Variants in TUBGCP3 observed in about 807,000 individuals in gnomAD.
The protein encoded by TUBGCP3 is tubulin gamma complex component 3, also known as gamma-tubulin complex component 3.
In TUBGCP3, 50 loss-of-function variants were observed where a neutral mutation model predicts 123.1. The ratio of observed to expected loss-of-function variants is 0.41; its 90% CI spans 0.32 to 0.51. The LOEUF (loss-of-function observed/expected upper bound fraction) is 0.51. Among genes scored for constraint, TUBGCP3 ranks in the 20% least tolerant of loss-of-function variants. TUBGCP3 has a pLI of 0.36. For synonymous variants in TUBGCP3, 405 were observed against 413.9 expected, an observed-to-expected ratio of 0.98 and a Z score of 0.26; for missense variants, 882 against 1,127.0, an observed-to-expected ratio of 0.78 and a Z score of 3.11.
chr13:112,573,805 C>G (rs1460737840), intron 1 of TUBGCP3, among the ~76,000 whole-genome samples: 1 of 152,228 alleles, frequency 6.6e-6, no homozygotes, highest in African/African-American at 2.4e-5. Context: ...CAGATCCCCC[C>G]ACCCCCACCA....
intron 11 of TUBGCP3, among the ~76,000 whole-genome samples, chr13:112,540,015 G>A (rs1375960514): frequency 7.4e-6 from 1 of 135,250 alleles, no homozygotes; most frequent in Non-Finnish European, 1.6e-5. Context: ...TGGGAATGAG[G>A]ACGTCAATGT....
chr13:112,553,695 G>A (rs1200525648), intron 8 of TUBGCP3, among the ~76,000 whole-genome samples: 3 of 152,290 alleles, frequency 2.0e-5, no homozygotes, highest in African/African-American at 7.2e-5. Flanking sequence ...GTCCCCTGTT[G>A]GCAGGCCCCG....
At chr13:112,594,461 C>T in the TUBGCP3 span, among the ~76,000 whole-genome samples, 6 of 152,304 alleles carry the variant, frequency 3.9e-5, no homozygotes, top group Admixed American at 1.3e-4. Flanking sequence ...TACAAAGAAA[C>T]TTTCACAACC....
chr13:112,596,279 T>A, the TUBGCP3 span, among the ~76,000 whole-genome samples: 10 of 152,370 alleles, frequency 6.6e-5, no homozygotes, highest in African/African-American at 2.4e-4. Context: ...TTTCAAGAAC[T>A]ACCCATTCTT....
At chr13:112,550,026 G>C (rs1257628375) in intron 8 of TUBGCP3, among the ~76,000 whole-genome samples, 3 of 149,448 alleles carry the variant, frequency 2.0e-5, no homozygotes, top group Non-Finnish European at 3.0e-5. Context: ...ATACTGAAAG[G>C]AGTCAGGTCA....
intron 1 of TUBGCP3, among the ~76,000 whole-genome samples, chr13:112,570,277 AAG>A (rs367994260): frequency 3.3e-5 from 5 of 152,350 alleles, no homozygotes; most frequent in African/African-American, 4.8e-5. Context: ...CCCAAGAGAA[AAG>A]AGAGACAGAT....
chr13:112,549,489 AAAAATT>A (rs1391808504), intron 8 of TUBGCP3, among the ~76,000 whole-genome samples: 26 of 152,006 alleles, frequency 1.7e-4, no homozygotes, highest in South Asian at 6.2e-4. Context: ...ATAATAATAA[AAAAATT>A]AATTAATTAA....
chr13:112,552,985 TCACCAGCCACACATTCTTACC>T (rs1205904708), intron 8 of TUBGCP3, among the ~76,000 whole-genome samples: 1 of 150,268 alleles, frequency 6.7e-6, no homozygotes, highest in Non-Finnish European at 1.5e-5. Context: ...ACTCGCCTAC[TCACCAGCCACACATTCTTACC>T]CACCACCCAC....
chr13:112,516,626 C>T (rs1345116379), intron 16 of TUBGCP3, 51 bp from the exon 17 acceptor site: 3 of 1,584,160 alleles, frequency 1.9e-6, no homozygotes, highest in South Asian at 2.3e-5. Flanking sequence ...TAAGAATCCT[C>T]TCAGTACAGG....
chr13:112,586,464 T>A (rs9550156), intron 1 of TUBGCP3, among the ~76,000 whole-genome samples: 45,248 of 151,950 alleles, frequency 0.3, 7,392 homozygotes, highest in African/African-American at 0.42. Flanking sequence ...ATGAAACATG[T>A]GAAAGGAAAC....
rs150795312 is a variant in TUBGCP3 at position 112,506,850 on chromosome 13, G to C, written c.2087-2136C>G. On this transcript the variant is annotated intron_variant, in intron 17 of 21. Coordinates refer to ENST00000261965, the MANE Select transcript of TUBGCP3 (RefSeq NM_006322.6). ...TGATGTTCAGCCGTGTTATGGTTTC[G>C]GTGAGATTCTAAGGACAGTAACCAC... Among the ~76,000 whole-genome samples the C allele has an allele frequency of 2.6e-5, 4 of 152,228 alleles. No individual in the cohort carries two copies. The East Asian group carries it at 7.7e-4, about 29-fold the overall frequency.
intron 13 of TUBGCP3, among the ~76,000 whole-genome samples, chr13:112,526,489 CCAT>C (rs1026201147): frequency 3.4e-5 from 5 of 148,672 alleles, no homozygotes; most frequent in Non-Finnish European, 7.5e-5. Flanking sequence ...CACACCATCA[CCAT>C]CATCACCATC....
chr13:112,504,726 G>A lies in TUBGCP3; in HGVS notation c.2087-12C>T. ...CACCCCGGAGAACTCTGCAAGGGAA[G>A]AGTTGACGTCAGAGGTGCAATGCAA... On this transcript the variant is annotated splice_polypyrimidine_tract_variant and intron_variant, in intron 17 of 21. Transcript: ENST00000261965. The A allele has an allele frequency of 6.2e-7, 1 of 1,611,864 alleles. No homozygotes were observed. The highest frequency in any genetic ancestry group is 1.1e-5 in the South Asian group (1 of 90,804).
At chr13:112,491,847 C>G (rs1013885895) in intron 20 of TUBGCP3, among the ~76,000 whole-genome samples, 1 of 152,196 alleles carries the variant, frequency 6.6e-6, no homozygotes, top group Non-Finnish European at 1.5e-5. Flanking sequence ...TACAAGCCAT[C>G]CAGCACCCCC....
chr13:112,519,087 T>C lies in TUBGCP3; in HGVS notation c.1882-44A>G. 6.6e-7 allele frequency: 1 copy of C among 1,510,094 alleles called. No individual in the cohort carries two copies. Among genetic ancestry groups the C allele is most frequent in the Non-Finnish European group, 9.2e-7 (1 of 1,086,758 alleles). 93.5% of individuals were successfully genotyped at this position (1,510,094 alleles called of 1,614,324 possible). A position where few individuals can be genotyped will look rare whatever the true frequency, so the allele number is the denominator to read the frequency against. ...ACATAATTGCAAGACCTTAAGCTTC[T>C]TGCTGAAGAACTTGTTAACGCAAAG... On this transcript the variant is annotated intron_variant, in intron 15 of 21. Transcript: ENST00000261965. The surrounding 1 kb of genome is among the most constrained non-coding windows in gnomAD (Gnocchi z 6.2).
chr13:112,550,821 A>G (rs372850276), intron 8 of TUBGCP3, among the ~76,000 whole-genome samples: 120 of 152,326 alleles, frequency 7.9e-4, no homozygotes, highest in African/African-American at 2.5e-3. Flanking sequence ...ATATGCGGCC[A>G]GGTGCGGTGG....
intron 1 of TUBGCP3, among the ~76,000 whole-genome samples, chr13:112,586,064 C>T (rs1882586544): frequency 1.3e-5 from 2 of 151,782 alleles, no homozygotes; most frequent in African/African-American, 2.4e-5. Flanking sequence ...ACAGTGAAAC[C>T]CCGTCTCTAC....
intron 11 of TUBGCP3, among the ~76,000 whole-genome samples, chr13:112,528,235 C>T (rs992837156): frequency 3.9e-5 from 6 of 152,252 alleles, no homozygotes; most frequent in African/African-American, 7.2e-5. Flanking sequence ...TTCAATCATA[C>T]ACCCTAATAG....
intron 20 of TUBGCP3, among the ~76,000 whole-genome samples, chr13:112,490,894 T>C (rs1332037531): frequency 6.6e-6 from 1 of 152,220 alleles, no homozygotes; most frequent in Non-Finnish European, 1.5e-5. Context: ...TTCTTTAGTA[T>C]TTGCTCTGCT....
Sources: gnomAD v4.1 joint callset for allele counts (sites outside exome capture counted in the v4.1 genomes callset) on GRCh38, gnomAD v4.1.1 for gene constraint, Gnocchi (gnomAD v3.1) non-coding constraint, MANE v1.5 for transcripts, NCBI Gene and HGNC (gene_info 2026-07-23, HGNC 2026-07-21) for gene names.